The following OTUD4 variants were observed in gnomAD, a reference collection of about 807,000 sequenced individuals.
The protein encoded by OTUD4 is OTU deubiquitinase 4, also known as OTU domain-containing protein 4.
In OTUD4, 24 loss-of-function variants were observed where a neutral mutation model predicts 130.4. That is an observed-to-expected ratio of 0.18 (90% confidence interval 0.13 to 0.26). OTUD4 has a LOEUF of 0.26. OTUD4 is among the 10% of genes least tolerant of loss of function. The pLI, the probability that OTUD4 is intolerant of heterozygous loss-of-function variation, is 1.00. For synonymous variants in OTUD4, 420 were observed against 472.5 expected, an observed-to-expected ratio of 0.89 and a Z score of 1.44; for missense variants, 1,031 against 1,329.4, an observed-to-expected ratio of 0.78 and a Z score of 3.49.
At chr4:145,150,948 T>A (rs1340014663) in intron 11 of OTUD4, 43 bp from the exon 12 acceptor site, 3 of 1,171,398 alleles carry the variant, frequency 2.6e-6, no homozygotes, top group Non-Finnish European at 3.7e-6. Flanking sequence ...AATACCCTAG[T>A]AAGAATAGTT....
intron 14 of OTUD4, among the ~76,000 whole-genome samples, chr4:145,145,766 T>C (rs1750789914): frequency 6.6e-6 from 1 of 152,164 alleles, no homozygotes; most frequent in Non-Finnish European, 1.5e-5. Flanking sequence ...TTAAGAAACC[T>C]GAAGATAGAG....
chr4:145,155,520 T>TA, intron 9 of OTUD4, 45 bp from the exon 10 acceptor site: 1 of 1,599,924 alleles, frequency 6.3e-7, no homozygotes, highest in East Asian at 2.2e-5. Context: ...TTGACTTATT[T>TA]TCAAGTGCTA....
intron 18 of OTUD4, among the ~76,000 whole-genome samples, 163 bp from the exon 19 acceptor site, chr4:145,141,802 G>A (rs879327512): frequency 3.9e-5 from 6 of 152,100 alleles, no homozygotes; most frequent in East Asian, 1.9e-4. Flanking sequence ...AAGGAAATAC[G>A]TCCAGGATAC....
chr4:145,173,918 G>A (rs1395693122), intron 2 of OTUD4, among the ~76,000 whole-genome samples: 2 of 151,848 alleles, frequency 1.3e-5, no homozygotes, highest in Non-Finnish European at 2.9e-5. Flanking sequence ...ACTGAACCCT[G>A]AAAATTAAAA....
In OTUD4 at chr4:145,139,691, C is replaced by T. The variant is rs553246704; in HGVS notation, c.2124+260G>A. Among the ~76,000 whole-genome samples the T allele has an allele frequency of 2.6e-5, 4 of 152,336 alleles. No homozygotes were observed. The East Asian group carries it at 7.7e-4, about 29-fold the overall frequency. On this transcript the variant is annotated intron_variant, in intron 20 of 20. Transcript: ENST00000447906. The stretch of plus-strand genomic sequence containing the variant: ...TTATTCCCCAGCAAGGGCATTTCCA[C>T]TAGGCTGCCCAAAGATGCAGCTATG...
At chr4:145,144,810 G>A (rs1441744248) in intron 14 of OTUD4, among the ~76,000 whole-genome samples, 1 of 152,098 alleles carries the variant, frequency 6.6e-6, no homozygotes, top group African/African-American at 2.4e-5. Context: ...TTTTGGTGGG[G>A]AGTTGGGGAG....
intron 7 of OTUD4, among the ~76,000 whole-genome samples, chr4:145,157,213 T>C (rs1477825101): frequency 6.6e-6 from 1 of 151,964 alleles, no homozygotes; most frequent in Non-Finnish European, 1.5e-5. Context: ...AAAAAATAAG[T>C]AGGCAAAAAA....
At chr4:145,158,430 C>T (rs1751396014) in intron 7 of OTUD4, among the ~76,000 whole-genome samples, 2 of 150,906 alleles carry the variant, frequency 1.3e-5, no homozygotes, top group African/African-American at 4.9e-5. Flanking sequence ...TGCAGTAAGC[C>T]GAGATCGCAC....
At chr4:145,157,295 A>T (rs1751339380) in intron 7 of OTUD4, among the ~76,000 whole-genome samples, 4 of 152,078 alleles carry the variant, frequency 2.6e-5, no homozygotes, top group African/African-American at 7.2e-5. Flanking sequence ...GAATTGTAAT[A>T]CTCCCCAAGT....
At chr4:145,162,230 T>C (rs1413511330) in intron 6 of OTUD4, among the ~76,000 whole-genome samples, 3 of 152,162 alleles carry the variant, frequency 2.0e-5, no homozygotes, top group Admixed American at 6.5e-5. Flanking sequence ...TATAACAGAA[T>C]AGAATTATTT....
chr4:145,178,846 G>A (rs777699892), intron 1 of OTUD4, among the ~76,000 whole-genome samples: 6 of 152,108 alleles, frequency 3.9e-5, no homozygotes, highest in Non-Finnish European at 8.8e-5. Context: ...AAAGAAAACA[G>A]AAACATCATA....
chr4:145,155,611 A>G lies in OTUD4; in HGVS notation c.766T>C (p.Tyr256His), dbSNP rs774977377. The change falls in exon 9 of 21, where the codon TAT (tyrosine) becomes CAT (histidine). Residue 256 changes from tyrosine to histidine, a missense_variant. Physicochemically the swap from Tyr to His is moderately conservative, Grantham distance 83 (BLOSUM62 2). Transcript: ENST00000447906. ...CAAATTTCATATTCCACATTTCTAT[A>G]GACTGCAGGATTGAGTGACTTAAGA... Reference protein sequence around the residue: ...KVLKSLNPAVYRNVEYEIWLK... With the variant: ...KVLKSLNPAVHRNVEYEIWLK... The G allele has an allele frequency of 6.2e-7, 1 of 1,612,966 alleles. No homozygotes were observed. The highest frequency in any genetic ancestry group is 2.2e-5 in the East Asian group (1 of 44,824).
Position 145,141,737 on chromosome 4 carries a change from G to A in OTUD4, c.1823-98C>T, listed in dbSNP as rs1443260465. On this transcript the variant is annotated intron_variant, in intron 18 of 20. Coordinates refer to ENST00000447906, the MANE Select transcript of OTUD4 (RefSeq NM_001366057.1). Reference sequence around the variant, plus strand: ...TAAAGAATGCTGTATAACTGATAAAGCCAATCTAAAGTAGTACCTTTTAGT... The same window carrying A: ...TAAAGAATGCTGTATAACTGATAAAACCAATCTAAAGTAGTACCTTTTAGT... The A allele has an allele frequency of 8.0e-6, 9 of 1,121,012 alleles. No homozygotes were observed. In the Admixed American group the frequency reaches 1.2e-4, roughly 15 times the overall value. 69.4% of individuals were successfully genotyped at this position (1,121,012 alleles called of 1,614,324 possible). A position where few individuals can be genotyped will look rare whatever the true frequency, so the allele number is the denominator to read the frequency against.
chr4:145,162,308 C>T (rs1226839258), intron 6 of OTUD4, among the ~76,000 whole-genome samples: 2 of 152,176 alleles, frequency 1.3e-5, no homozygotes, highest in Non-Finnish European at 2.9e-5. Flanking sequence ...AATCCCAGCA[C>T]TTTGGGAGGT....
intron 15 of OTUD4, 23 bp from the exon 16 acceptor site, chr4:145,144,024 A>T (rs765885513): frequency 6.4e-7 from 1 of 1,568,894 alleles, no homozygotes; most frequent in Non-Finnish European, 8.8e-7. Flanking sequence ...AAGATTAAAA[A>T]AGACAGCATA....
intron 1 of OTUD4, chr4:145,179,600 C>G: frequency 1.4e-6 from 2 of 1,381,556 alleles, no homozygotes; most frequent in Non-Finnish European, 1.9e-6. Context: ...GAGAGAGACA[C>G]CCCGTTAATT....
chr4:145,163,185 T>C (rs1474692606), intron 5 of OTUD4, among the ~76,000 whole-genome samples: 2 of 152,204 alleles, frequency 1.3e-5, no homozygotes, highest in Non-Finnish European at 2.9e-5. Flanking sequence ...ATTTCAAAAC[T>C]TGTTTTGAAA....
At chr4:145,168,406 A>T (rs1490429777) in intron 3 of OTUD4, among the ~76,000 whole-genome samples, 23 of 32,646 alleles carry the variant, frequency 7.0e-4, no homozygotes, top group Middle Eastern at 0.02. Flanking sequence ...TAAATAAAAT[A>T]AAAAATTAAA....
At chr4:145,150,927 T>C in intron 11 of OTUD4, 22 bp from the exon 12 acceptor site, 1 of 1,501,018 alleles carries the variant, frequency 6.7e-7, no homozygotes, top group Non-Finnish European at 9.2e-7. Flanking sequence ...AAAAGACTTG[T>C]GATAGCTTAA....
Sources: allele counts gnomAD v4.1 joint callset (sites outside exome capture counted in the v4.1 genomes callset), GRCh38; gene constraint gnomAD v4.1.1; transcripts MANE v1.5; gene names NCBI Gene and HGNC (gene_info 2026-07-23, HGNC 2026-07-21).